Variants in EEFSEC observed in about 807,000 individuals in gnomAD.
EEFSEC encodes eukaryotic elongation factor, selenocysteine-tRNA specific.
A neutral mutation model predicts 42.1 loss-of-function variants in EEFSEC; 43 were observed. The observed-to-expected ratio is 1.02, with a 90% confidence interval of 0.80 to 1.32. The LOEUF is 1.32. Ranked by LOEUF, EEFSEC falls within the 40% of genes most tolerant of loss-of-function variation. The probability of loss-of-function intolerance (pLI) is 0.00; values close to 1 mark genes in which losing one functional copy is unlikely to be tolerated. For synonymous variants in EEFSEC, 354 were observed against 339.1 expected (o/e 1.04, Z -0.48); for missense variants, 745 against 803.6 (o/e 0.93, Z 0.88).
At chr3:128,380,824 T>C (rs1397980443) in intron 6 of EEFSEC, among the ~76,000 whole-genome samples, 2 of 152,194 alleles carry the variant, frequency 1.3e-5, no homozygotes, top group East Asian at 3.9e-4. Flanking sequence ...TCTAGGCAAG[T>C]AGGGTCACCT....
chr3:128,183,191 C>T (rs1019407588), intron 1 of EEFSEC, among the ~76,000 whole-genome samples: 1 of 152,154 alleles, frequency 6.6e-6, no homozygotes, highest in South Asian at 2.1e-4. Flanking sequence ...AATATTACTG[C>T]TAGTACTTTA....
chr3:128,279,017 G>A (rs2066496732), intron 4 of EEFSEC, among the ~76,000 whole-genome samples: 1 of 152,242 alleles, frequency 6.6e-6, no homozygotes, highest in South Asian at 2.1e-4. Flanking sequence ...GGAGGGGAGT[G>A]AGCTGGTTTT....
At chr3:128,369,839 G>A (rs572235411) in intron 6 of EEFSEC, among the ~76,000 whole-genome samples, 9 of 152,124 alleles carry the variant, frequency 5.9e-5, no homozygotes, top group African/African-American at 9.7e-5. Context: ...TTTGTGCGCC[G>A]AGCCGACTGA....
At chr3:128,247,331 T>G (rs1385198172) in intron 2 of EEFSEC, among the ~76,000 whole-genome samples, 1 of 152,232 alleles carries the variant, frequency 6.6e-6, no homozygotes, top group African/African-American at 2.4e-5. Flanking sequence ...AGGGACTCTG[T>G]GCCCAGTGTG....
chr3:128,408,035 G>A lies in EEFSEC; in HGVS notation c.1601-34G>A, dbSNP rs370586016. ...GGGAGCCCACGGGTGCTTGGGGTAC[G>A]GCAGAGTGACAGGCTCTCTTCTGTG... On this transcript the variant is annotated intron_variant, in intron 6 of 6. Coordinates refer to ENST00000254730, the MANE Select transcript of EEFSEC (RefSeq NM_021937.5). 4.0e-4 allele frequency: 602 copies of A among 1,501,256 alleles called. 1 individual carries two copies. The African/African-American group carries it at 7.5e-3, about 19-fold the overall frequency. The allele number at this position is 1,501,256 out of a possible 1,614,324, so 93.0% of individuals were successfully genotyped here. A position where few individuals can be genotyped will look rare whatever the true frequency, so the allele number is the denominator to read the frequency against.
At chr3:128,297,203 A>G (rs1036853575) in intron 4 of EEFSEC, among the ~76,000 whole-genome samples, 2 of 151,940 alleles carry the variant, frequency 1.3e-5, no homozygotes, top group Non-Finnish European at 2.9e-5. Context: ...GGGAACACCA[A>G]CTGAAGGCCC....
chr3:128,332,572 A>G (rs1490686736), intron 4 of EEFSEC, among the ~76,000 whole-genome samples: 2 of 152,092 alleles, frequency 1.3e-5, no homozygotes, highest in African/African-American at 4.8e-5. Context: ...CCACCCCAGC[A>G]TCCCAAGTAG....
chr3:128,418,776 A>G, the EEFSEC span, among the ~76,000 whole-genome samples: 3 of 152,166 alleles, frequency 2.0e-5, no homozygotes, highest in Admixed American at 6.5e-5. Context: ...ACCTCTGATT[A>G]GCACTGCTAC....
intron 5 of EEFSEC, among the ~76,000 whole-genome samples, chr3:128,351,262 T>C (rs1002336269): frequency 6.6e-6 from 1 of 152,234 alleles, no homozygotes; most frequent in African/African-American, 2.4e-5. Flanking sequence ...CTGCACCAAA[T>C]GCTGTCTTAT....
the EEFSEC span, among the ~76,000 whole-genome samples, chr3:128,421,829 G>T: frequency 1.3e-5 from 2 of 152,270 alleles, no homozygotes; most frequent in African/African-American, 2.4e-5. Flanking sequence ...CCACATTAGG[G>T]TCTCAGCCCC....
chr3:128,213,953 G>C (rs1158341888), intron 1 of EEFSEC, among the ~76,000 whole-genome samples: 2 of 152,146 alleles, frequency 1.3e-5, no homozygotes, highest in Non-Finnish European at 2.9e-5. Context: ...GATGCTTCTA[G>C]ATTAAAGGAA....
At chr3:128,247,146 C>A in intron 2 of EEFSEC, 103 bp downstream of exon 2, 1 of 1,208,548 alleles carries the variant, frequency 8.3e-7, no homozygotes, top group East Asian at 2.4e-5. Context: ...GTCAGCCTCC[C>A]GTCCTAGTAA....
intron 1 of EEFSEC, among the ~76,000 whole-genome samples, chr3:128,244,614 T>A (rs2066107644): frequency 6.6e-6 from 1 of 152,198 alleles, no homozygotes; most frequent in Admixed American, 6.5e-5. Flanking sequence ...CATCCCTGTT[T>A]AAAATGAAAA....
At chr3:128,337,465 G>A (rs931740105) in intron 4 of EEFSEC, among the ~76,000 whole-genome samples, 2 of 152,216 alleles carry the variant, frequency 1.3e-5, no homozygotes, top group African/African-American at 4.8e-5. Flanking sequence ...GGGCATCAGG[G>A]CAGCATGAGG....
At chr3:128,326,958 C>T (rs1057397880) in intron 4 of EEFSEC, among the ~76,000 whole-genome samples, 2 of 152,152 alleles carry the variant, frequency 1.3e-5, no homozygotes, top group African/African-American at 4.8e-5. Flanking sequence ...ATGCACAGCA[C>T]TGTTGTGTAA....
At chr3:128,419,486 G>A in the EEFSEC span, among the ~76,000 whole-genome samples, 5 of 152,206 alleles carry the variant, frequency 3.3e-5, no homozygotes, top group African/African-American at 1.2e-4. Context: ...TGCAGGCATG[G>A]ATATTTAACT....
intron 4 of EEFSEC, among the ~76,000 whole-genome samples, chr3:128,327,763 G>A (rs963035246): frequency 2.0e-5 from 3 of 152,210 alleles, no homozygotes; most frequent in African/African-American, 2.4e-5. Context: ...CGGAGCCCTG[G>A]CAGGTTTCAT....
chr3:128,229,041 T>C (rs900555358), intron 1 of EEFSEC, among the ~76,000 whole-genome samples: 45 of 152,320 alleles, frequency 3.0e-4, no homozygotes, highest in African/African-American at 1.0e-3. Flanking sequence ...TGGGGCTATA[T>C]TGAGACTCAG....
chr3:128,244,662 A>T lies in EEFSEC; in HGVS notation c.317-2174A>T, dbSNP rs193048062. ...TGTACAGAGAATTTCCTTCCTACTC[A>T]TCTTTGGTCTCCCAGCAGACAACCA... On this transcript the variant is annotated intron_variant, in intron 1 of 6. Transcript: ENST00000254730. 1.5e-3 allele frequency among the ~76,000 whole-genome samples: 227 copies of T among 152,304 alleles called. 1 individual carries two copies. Among genetic ancestry groups the T allele is most frequent in the Middle Eastern group, 0.01 (3 of 294 alleles).
Sources: allele counts gnomAD v4.1 joint callset (sites outside exome capture counted in the v4.1 genomes callset), GRCh38; gene constraint gnomAD v4.1.1; transcripts MANE v1.5; gene names NCBI Gene and HGNC (gene_info 2026-07-23, HGNC 2026-07-21).